Variants in ADAMTS12 observed in about 807,000 individuals in gnomAD.
ADAMTS12 encodes A disintegrin and metalloproteinase with thrombospondin motifs 12.
Under a neutral mutation model 167.8 loss-of-function variants are expected in ADAMTS12, and 118 were observed. The ratio of observed to expected loss-of-function variants is 0.70; its 90% CI spans 0.61 to 0.82. ADAMTS12 has a LOEUF of 0.82. ADAMTS12 is among the 40% of genes least tolerant of loss of function. The pLI is 0.00. For missense variants in ADAMTS12, 1,916 were observed against 1,998.8 expected (o/e 0.96, Z 0.79); for synonymous variants, 704 against 716.9 (o/e 0.98, Z 0.29).
chr5:33,785,721 T>C (rs1746301878), intron 2 of ADAMTS12, among the ~76,000 whole-genome samples: 1 of 152,152 alleles, frequency 6.6e-6, no homozygotes, highest in Non-Finnish European at 1.5e-5. Flanking sequence ...CTGTTGAAAA[T>C]GTAAAATGGT....
intron 2 of ADAMTS12, among the ~76,000 whole-genome samples, chr5:33,822,439 C>T (rs1322754851): frequency 6.6e-6 from 1 of 152,056 alleles, no homozygotes; most frequent in East Asian, 1.9e-4. Context: ...TCCTCATCTG[C>T]AAATGAGGAA....
chr5:33,546,669 T>A (rs1745000252), intron 21 of ADAMTS12, among the ~76,000 whole-genome samples: 1 of 152,196 alleles, frequency 6.6e-6, no homozygotes, highest in African/African-American at 2.4e-5. Context: ...AGGACTCAGA[T>A]GCATTGGCTG....
At chr5:33,759,803 G>A (rs1045330520) in intron 2 of ADAMTS12, among the ~76,000 whole-genome samples, 1 of 152,156 alleles carries the variant, frequency 6.6e-6, no homozygotes, top group African/African-American at 2.4e-5. Flanking sequence ...ATTCCCAAGA[G>A]CTGCTCCCAC....
At chr5:33,866,803 C>CA (rs1468815226) in intron 2 of ADAMTS12, among the ~76,000 whole-genome samples, 1 of 151,670 alleles carries the variant, frequency 6.6e-6, no homozygotes, top group African/African-American at 2.4e-5. Context: ...AGACATTACT[C>CA]AAAAGAAGAT....
At chr5:33,698,093 A>G (rs1165465270) in intron 3 of ADAMTS12, among the ~76,000 whole-genome samples, 1 of 152,248 alleles carries the variant, frequency 6.6e-6, no homozygotes, top group African/African-American at 2.4e-5. Context: ...AGTAAGCAGG[A>G]TGAACAAAGG....
At chr5:33,722,766 G>A (rs966021215) in intron 3 of ADAMTS12, among the ~76,000 whole-genome samples, 3 of 152,174 alleles carry the variant, frequency 2.0e-5, no homozygotes, top group African/African-American at 4.8e-5. Flanking sequence ...TCAAAGGCAC[G>A]TAATTGAGGG....
intron 19 of ADAMTS12, among the ~76,000 whole-genome samples, chr5:33,572,939 TTC>T (rs1746468332): frequency 6.9e-6 from 1 of 145,058 alleles, no homozygotes; most frequent in Non-Finnish European, 1.5e-5. Flanking sequence ...ATCACAAGCA[TTC>T]TTATACACCA....
intron 3 of ADAMTS12, among the ~76,000 whole-genome samples, chr5:33,716,598 T>C (rs1743623962): frequency 6.6e-6 from 1 of 152,172 alleles, no homozygotes; most frequent in African/African-American, 2.4e-5. Context: ...TCTCTCATTA[T>C]TGAGTTAATT....
intron 2 of ADAMTS12, among the ~76,000 whole-genome samples, chr5:33,848,405 G>A (rs1749028063): frequency 6.6e-6 from 1 of 152,102 alleles, no homozygotes; most frequent in Non-Finnish European, 1.5e-5. Context: ...AAGATGGAGG[G>A]ATTTCAGAAG....
intron 9 of ADAMTS12, among the ~76,000 whole-genome samples, chr5:33,647,963 C>T (rs973415985): frequency 6.6e-6 from 1 of 152,190 alleles, no homozygotes; most frequent in African/African-American, 2.4e-5. Flanking sequence ...ATGAGCTCCT[C>T]GAGGGCAGAG....
chr5:33,770,803 T>TCTTCTTCTCCTTCTCCTC (rs1561262823), intron 2 of ADAMTS12, among the ~76,000 whole-genome samples: 2 of 119,484 alleles, frequency 1.7e-5, no homozygotes, highest in African/African-American at 5.4e-5. Flanking sequence ...TTCTCCTCCT[T>TCTTCTTCTCCTTCTCCTC]CTTCTTCTTC....
intron 22 of ADAMTS12, among the ~76,000 whole-genome samples, chr5:33,540,170 C>T (rs760946921): frequency 6.6e-5 from 10 of 152,364 alleles, no homozygotes; most frequent in African/African-American, 1.2e-4. Context: ...GTGCCTGGTT[C>T]GGCAGGTCCC....
intron 20 of ADAMTS12, among the ~76,000 whole-genome samples, chr5:33,557,319 T>C (rs547311537): frequency 9.6e-4 from 146 of 152,250 alleles, no homozygotes; most frequent in Non-Finnish European, 1.6e-3. Flanking sequence ...AGGCAAATGA[T>C]CAGTTCGGCA....
intron 2 of ADAMTS12, among the ~76,000 whole-genome samples, chr5:33,796,154 A>G (rs1314769821): frequency 1.3e-5 from 2 of 152,230 alleles, no homozygotes; most frequent in East Asian, 3.8e-4. Flanking sequence ...AGAATGTGCC[A>G]TGCAGGACTG....
At chr5:33,660,591 G>A (rs1270826945) in intron 6 of ADAMTS12, among the ~76,000 whole-genome samples, 2 of 152,112 alleles carry the variant, frequency 1.3e-5, no homozygotes, top group Non-Finnish European at 2.9e-5. Context: ...CAACTTAGTG[G>A]GCAATGCCAT....
At chr5:33,803,324 G>A (rs1747080486) in intron 2 of ADAMTS12, among the ~76,000 whole-genome samples, 1 of 152,230 alleles carries the variant, frequency 6.6e-6, no homozygotes, top group Non-Finnish European at 1.5e-5. Flanking sequence ...CATAAGCCCT[G>A]TTAATGAGAA....
At chr5:33,714,529 C>G (rs1214470610) in intron 3 of ADAMTS12, among the ~76,000 whole-genome samples, 1 of 151,924 alleles carries the variant, frequency 6.6e-6, no homozygotes, top group South Asian at 2.1e-4. Flanking sequence ...TTCATAAGAG[C>G]CAAGATATGG....
At chr5:33,547,726 A>G (rs1486429914) in intron 21 of ADAMTS12, among the ~76,000 whole-genome samples, 1 of 152,178 alleles carries the variant, frequency 6.6e-6, no homozygotes, top group Non-Finnish European at 1.5e-5. Flanking sequence ...CGATCCGAGA[A>G]GCTACAGAGG....
Position 33,588,576 on chromosome 5 carries a change from T to TC in ADAMTS12, c.2865+22dup, listed in dbSNP as rs1298293298. 1.9e-6 allele frequency: 3 copies of TC among 1,610,774 alleles called. No individual in the cohort carries two copies. The African/African-American group carries it at 4.0e-5, about 22-fold the overall frequency. On this transcript the variant is annotated intron_variant, in intron 18 of 23. Transcript: ENST00000504830. Reference sequence around the variant, plus strand: ...TGATGAAGCTTGAATAATGCCAGTTTCCCCGCCGAGCCCTGAGCTCACCTC... The same window carrying TC: ...TGATGAAGCTTGAATAATGCCAGTTTCCCCCGCCGAGCCCTGAGCTCACCTC...
Sources: gnomAD v4.1 joint callset for allele counts (sites outside exome capture counted in the v4.1 genomes callset) on GRCh38, gnomAD v4.1.1 for gene constraint, MANE v1.5 for transcripts, NCBI Gene and HGNC (gene_info 2026-07-23, HGNC 2026-07-21) for gene names.